The following HECW2 variants were observed in gnomAD, a reference collection of about 807,000 sequenced individuals.
HECW2 encodes HECT, C2 and WW domain containing E3 ubiquitin protein ligase 2, also known as E3 ubiquitin-protein ligase HECW2.
HECW2 carries 61 observed loss-of-function variants against 175.2 expected under a neutral mutation model. The ratio of observed to expected loss-of-function variants is 0.35; its 90% confidence interval spans 0.28 to 0.43. HECW2 has a LOEUF of 0.43. HECW2 is among the 20% of genes least tolerant of loss of function. HECW2 has a pLI of 1.00. For synonymous variants in HECW2, 671 were observed against 731.0 expected, an observed-to-expected ratio of 0.92 and a Z score of 1.32; for missense variants, 1,524 against 2,000.5, an observed-to-expected ratio of 0.76 and a Z score of 4.54.
chr2:196,449,831 ATT>A (rs140132766), intron 1 of HECW2, among the ~76,000 whole-genome samples: 1 of 151,542 alleles, frequency 6.6e-6, no homozygotes, highest in East Asian at 1.9e-4. Context: ...TCATTAATCC[ATT>A]TTTTTTTAAA....
intron 1 of HECW2, among the ~76,000 whole-genome samples, chr2:196,503,414 G>A (rs1281651135): frequency 6.6e-6 from 1 of 152,248 alleles, no homozygotes; most frequent in Non-Finnish European, 1.5e-5. Context: ...TCTATGGGCA[G>A]TAGTGGGTTC....
intron 1 of HECW2, among the ~76,000 whole-genome samples, chr2:196,543,769 C>A (rs990130576): frequency 2.0e-5 from 3 of 152,152 alleles, no homozygotes; most frequent in African/African-American, 7.2e-5. Flanking sequence ...CGTGCCACCA[C>A]GCCCAGCTAA....
chr2:196,373,871 A>C (rs2105907381), intron 2 of HECW2, among the ~76,000 whole-genome samples: 1 of 152,046 alleles, frequency 6.6e-6, no homozygotes, highest in African/African-American at 2.4e-5. Flanking sequence ...TCTCTACTAA[A>C]AATACAAAAA....
intron 2 of HECW2, among the ~76,000 whole-genome samples, chr2:196,426,084 A>G (rs935169397): frequency 1.2e-4 from 19 of 152,318 alleles, no homozygotes; most frequent in African/African-American, 3.6e-4. Flanking sequence ...ATGATGACTT[A>G]CTGAAGCTCA....
intron 3 of HECW2, among the ~76,000 whole-genome samples, chr2:196,336,158 G>A (rs1402883167): frequency 6.6e-6 from 1 of 152,180 alleles, no homozygotes; most frequent in Non-Finnish European, 1.5e-5. Context: ...GACCTACGCA[G>A]GAATTCTAGC....
intron 2 of HECW2, among the ~76,000 whole-genome samples, chr2:196,359,133 T>C (rs1004757276): frequency 7.2e-5 from 11 of 152,152 alleles, no homozygotes; most frequent in Non-Finnish European, 1.2e-4. Context: ...CACACCCTCC[T>C]TTCTTTCCTC....
chr2:196,208,331 T>A (rs538999982), intron 28 of HECW2, among the ~76,000 whole-genome samples: 103 of 152,376 alleles, frequency 6.8e-4, no homozygotes, highest in African/African-American at 2.3e-3. Context: ...TTTTGGAATT[T>A]CTTGTCTGGA....
At chr2:196,220,662 T>C (rs2105816280) in intron 25 of HECW2, 133 bp downstream of exon 25, 2 of 941,248 alleles carry the variant, frequency 2.1e-6, no homozygotes, top group East Asian at 2.4e-5. Context: ...AGGGAAAAAA[T>C]ACTGAACTTT....
chr2:196,463,405 C>CAAAAA (rs34754004), intron 1 of HECW2, among the ~76,000 whole-genome samples: 1 of 55,708 alleles, frequency 1.8e-5, no homozygotes, highest in African/African-American at 5.9e-5. Flanking sequence ...CTCTACCCTG[C>CAAAAA]AAAAAAAAAA....
chr2:196,570,170 C>T (rs906584285), intron 1 of HECW2, among the ~76,000 whole-genome samples: 3 of 152,120 alleles, frequency 2.0e-5, no homozygotes, highest in Non-Finnish European at 4.4e-5. Flanking sequence ...AGTCATTAAA[C>T]GTTGTAAGGT....
At chr2:196,515,238 G>A (rs559095882) in intron 1 of HECW2, among the ~76,000 whole-genome samples, 19 of 152,366 alleles carry the variant, frequency 1.2e-4, no homozygotes, top group South Asian at 6.2e-4. Flanking sequence ...CACAGTGGCC[G>A]GATCCCATGC....
At chr2:196,540,689 CCTA>C (rs1689179896) in intron 1 of HECW2, among the ~76,000 whole-genome samples, 1 of 152,148 alleles carries the variant, frequency 6.6e-6, no homozygotes, top group Non-Finnish European at 1.5e-5. Context: ...AAGCAATCCT[CCTA>C]CTTCAAAGCT....
intron 24 of HECW2, among the ~76,000 whole-genome samples, chr2:196,221,533 C>CA (rs1006757570): frequency 2.0e-5 from 3 of 151,992 alleles, no homozygotes; most frequent in Non-Finnish European, 4.4e-5. Context: ...CCCTTAGCTT[C>CA]AAAAAAATCA....
rs369839065 is a variant in HECW2, at chr2:196,271,181, T to A, written c.3335+12A>T. 1.3e-6 allele frequency: 2 copies of A among 1,491,600 alleles called. No individual in the cohort carries two copies. Among genetic ancestry groups the A allele is most frequent in the Non-Finnish European group, 1.9e-6 (2 of 1,069,696 alleles). 92.4% of individuals were successfully genotyped at this position (1,491,600 alleles called of 1,614,324 possible). ...TTATGCAACTTGAACCAAATACCAATATTATTGTTACCTGAGTGAGTGATT... is the reference window on the plus strand; with the variant it reads ...TTATGCAACTTGAACCAAATACCAAAATTATTGTTACCTGAGTGAGTGATT... On this transcript the variant is annotated intron_variant, in intron 17 of 28. Coordinates refer to ENST00000644978, the MANE Select transcript of HECW2 (RefSeq NM_001348768.2).
intron 1 of HECW2, among the ~76,000 whole-genome samples, chr2:196,577,389 A>T (rs539659701): frequency 1.3e-5 from 2 of 152,334 alleles, no homozygotes; most frequent in African/African-American, 4.8e-5. Context: ...TTTACTAAAT[A>T]TAATAATGTT....
chr2:196,495,917 T>C (rs557133031), intron 1 of HECW2, among the ~76,000 whole-genome samples: 4 of 152,140 alleles, frequency 2.6e-5, no homozygotes, highest in South Asian at 2.1e-4. Context: ...AAATAGACTG[T>C]AGAGGTTAAA....
At chr2:196,241,813 G>A (rs1688467644) in intron 20 of HECW2, among the ~76,000 whole-genome samples, 1 of 152,120 alleles carries the variant, frequency 6.6e-6, no homozygotes, top group African/African-American at 2.4e-5. Flanking sequence ...ATACTTTTCA[G>A]AGGAAAAAAA....
chr2:196,386,597 T>C (rs1694357715), intron 2 of HECW2, among the ~76,000 whole-genome samples: 1 of 152,304 alleles, frequency 6.6e-6, no homozygotes, highest in African/African-American at 2.4e-5. Flanking sequence ...TAGGAAAAGG[T>C]GAGAAAAATA....
At chr2:196,304,559 C>T (rs1468904902) in intron 13 of HECW2, among the ~76,000 whole-genome samples, 1 of 152,120 alleles carries the variant, frequency 6.6e-6, no homozygotes, top group African/African-American at 2.4e-5. Context: ...AAATCACAGG[C>T]ATTTAATAAA....
Sources: gnomAD v4.1 joint callset for allele counts (sites outside exome capture counted in the v4.1 genomes callset) on GRCh38, gnomAD v4.1.1 for gene constraint, MANE v1.5 for transcripts, NCBI Gene and HGNC (gene_info 2026-07-23, HGNC 2026-07-21) for gene names.